Variants in DLC1 observed in about 807,000 individuals in gnomAD.
DLC1 encodes the protein DLC1 Rho GTPase activating protein.
In DLC1, 54 loss-of-function variants were observed where a neutral mutation model predicts 140.3. The observed-to-expected ratio is 0.38, with a 90% CI of 0.31 to 0.48. DLC1 has a LOEUF of 0.48. Ranked by LOEUF, DLC1 falls within the 20% of genes least tolerant of loss-of-function variation. The pLI is 0.96. For synonymous variants in DLC1, 986 were observed against 728.1 expected (o/e 1.35, Z -5.70); for missense variants, 2,536 against 1,907.0 (o/e 1.33, Z -6.14).
chr8:13,528,755 A>G (rs1184310501), intron 1 of DLC1, among the ~76,000 whole-genome samples: 1 of 152,204 alleles, frequency 6.6e-6, no homozygotes, highest in Non-Finnish European at 1.5e-5. Flanking sequence ...TGAACTATCA[A>G]AAACACCACA....
intron 1 of DLC1, among the ~76,000 whole-genome samples, chr8:13,546,306 A>T (rs1803646020): frequency 6.6e-6 from 1 of 152,102 alleles, no homozygotes; most frequent in African/African-American, 2.4e-5. Flanking sequence ...AGATTTCGGT[A>T]ATTTGTTTTC....
At chr8:13,463,544 T>C (rs1799775508) in intron 2 of DLC1, among the ~76,000 whole-genome samples, 1 of 152,196 alleles carries the variant, frequency 6.6e-6, no homozygotes. Context: ...TACTTGTGTT[T>C]ACCTTTGAAA....
intron 2 of DLC1, among the ~76,000 whole-genome samples, chr8:13,453,726 T>C (rs938817067): frequency 1.3e-5 from 2 of 150,938 alleles, no homozygotes; most frequent in Non-Finnish European, 2.9e-5. Context: ...TTCAACGTCC[T>C]GTAATTTGAA....
chr8:13,251,601 A>T (rs1472887136), intron 5 of DLC1, among the ~76,000 whole-genome samples: 2 of 152,142 alleles, frequency 1.3e-5, no homozygotes, highest in East Asian at 3.8e-4. Flanking sequence ...TTATCCATCT[A>T]TTCAAAAATA....
intron 5 of DLC1, among the ~76,000 whole-genome samples, chr8:13,242,586 G>C (rs867458557): frequency 6.6e-6 from 1 of 151,952 alleles, no homozygotes; most frequent in Non-Finnish European, 1.5e-5. Context: ...TACAGACAGA[G>C]TTTTGCCGTT....
intron 5 of DLC1, among the ~76,000 whole-genome samples, chr8:13,211,207 A>T (rs547070680): frequency 1.8e-4 from 28 of 152,294 alleles, no homozygotes; most frequent in Admixed American, 7.2e-4. Context: ...CCCATTTCCC[A>T]GGAAGTTTGT....
intron 5 of DLC1, among the ~76,000 whole-genome samples, chr8:13,265,752 C>T (rs1049286966): frequency 4.7e-5 from 7 of 150,184 alleles, no homozygotes; most frequent in African/African-American, 1.7e-4. Context: ...CCTTTCCTTT[C>T]CTCCCTCCCT....
At chr8:13,366,211 G>A (rs892520032) in intron 4 of DLC1, among the ~76,000 whole-genome samples, 19 of 152,208 alleles carry the variant, frequency 1.2e-4, no homozygotes, top group African/African-American at 4.6e-4. Flanking sequence ...AAGGGGCAGT[G>A]AAAATAGTAG....
chr8:13,126,812 T>C (rs1276294096), intron 5 of DLC1, among the ~76,000 whole-genome samples: 7 of 152,242 alleles, frequency 4.6e-5, no homozygotes, highest in Non-Finnish European at 1.5e-5. Context: ...AGTTCTGCGA[T>C]AGCACAGGAG....
intron 2 of DLC1, among the ~76,000 whole-genome samples, chr8:13,407,529 T>C (rs1254925909): frequency 2.6e-5 from 4 of 151,946 alleles, no homozygotes; most frequent in Non-Finnish European, 5.9e-5. Context: ...ACAGGCTCTG[T>C]TTTCCTAATG....
intron 1 of DLC1, among the ~76,000 whole-genome samples, chr8:13,511,321 A>AG (rs1802354015): frequency 3.6e-5 from 1 of 27,870 alleles, no homozygotes; most frequent in Non-Finnish European, 9.6e-5. Context: ...ATTATCTTTC[A>AG]CCTTTTTTTT....
At chr8:13,194,956 G>A (rs988659826) in intron 5 of DLC1, among the ~76,000 whole-genome samples, 1 of 152,160 alleles carries the variant, frequency 6.6e-6, no homozygotes, top group Non-Finnish European at 1.5e-5. Flanking sequence ...GTTACAGTGA[G>A]CTATGATTGT....
chr8:13,526,115 C>A (rs2117295936), intron 1 of DLC1, among the ~76,000 whole-genome samples: 1 of 152,280 alleles, frequency 6.6e-6, no homozygotes, highest in South Asian at 2.1e-4. Flanking sequence ...TAACAAAAAT[C>A]AATTGACCAA....
intron 4 of DLC1, among the ~76,000 whole-genome samples, chr8:13,339,234 T>C (rs2116975528): frequency 6.6e-6 from 1 of 152,288 alleles, no homozygotes; most frequent in East Asian, 1.9e-4. Context: ...AAAACAACTA[T>C]GCAAGTGATA....
intron 4 of DLC1, among the ~76,000 whole-genome samples, chr8:13,329,042 T>C (rs1051413932): frequency 2.0e-5 from 3 of 152,284 alleles, no homozygotes; most frequent in Admixed American, 6.5e-5. Flanking sequence ...ATTTATTCAT[T>C]GAATCACTGA....
intron 1 of DLC1, chr8:13,558,091 T>G (rs1804115124): frequency 6.6e-6 from 1 of 152,212 alleles, no homozygotes; most frequent in African/African-American, 2.4e-5. Flanking sequence ...GCAGGTTGTT[T>G]CAGTAGCTAT....
intron 4 of DLC1, chr8:13,341,962 C>G (rs1034364513): frequency 2.6e-5 from 4 of 152,264 alleles, no homozygotes; most frequent in African/African-American, 9.6e-5. Flanking sequence ...TTCTATTCTA[C>G]AAGCTAAGTG....
chr8:13,490,884 G>T (rs2117162218), intron 2 of DLC1, among the ~76,000 whole-genome samples: 1 of 151,752 alleles, frequency 6.6e-6, no homozygotes, highest in Non-Finnish European at 1.5e-5. Flanking sequence ...GATTAGATCA[G>T]AGGCCCCTCA....
At chr8:13,420,784 T>G (rs1838283863) in intron 2 of DLC1, among the ~76,000 whole-genome samples, 1 of 152,144 alleles carries the variant, frequency 6.6e-6, no homozygotes, top group Non-Finnish European at 1.5e-5. Flanking sequence ...ATGTGCCACA[T>G]TTTCCTGACC....
Sources: allele counts gnomAD v4.1 joint callset (sites outside exome capture counted in the v4.1 genomes callset), GRCh38; gene constraint gnomAD v4.1.1; transcripts MANE v1.5; gene names NCBI Gene and HGNC (gene_info 2026-07-23, HGNC 2026-07-21).